PRDM2: variants seen among roughly 807,000 people sequenced by gnomAD.
PRDM2 encodes PR/SET domain 2, also known as PR domain zinc finger protein 2.
Under a neutral mutation model 130.0 loss-of-function variants are expected in PRDM2, and 30 were observed. The observed-to-expected ratio is 0.23, with a 90% CI of 0.17 to 0.31. The LOEUF (loss-of-function observed/expected upper bound fraction) is 0.31. PRDM2 is among the 10% of genes least tolerant of loss of function. The pLI is 1.00. For missense variants in PRDM2, 2,011 were observed against 2,108.4 expected (o/e 0.95, Z 0.90); for synonymous variants, 871 against 782.4 (o/e 1.11, Z -1.89).
chr1:13,707,886 T>G (rs975876872), intron 1 of PRDM2, among the ~76,000 whole-genome samples: 1 of 151,714 alleles, frequency 6.6e-6, no homozygotes, highest in East Asian at 1.9e-4. Flanking sequence ...AGATAATATG[T>G]TTTAATTTCT....
In PRDM2 at chr1:13,749,397, A is replaced by C; in HGVS notation, c.421A>C (p.Asn141His). Reference protein sequence around the residue: ...APGEELLVWYNGEDNPEIAAA... With the variant: ...APGEELLVWYHGEDNPEIAAA... The stretch of plus-strand genomic sequence containing the variant: ...GGGCGAGGAGCTCCTGGTCTGGTAC[A>C]ATGGGGAAGACAACCCTGAGATAGC... Residue 141 changes from asparagine to histidine, a missense_variant, in exon 6 of 10, where the codon AAT (asparagine) becomes CAT (histidine). By Grantham distance (68) the Asn-to-His change is moderately conservative. Around this residue, in one of 5 missense-constraint regions of PRDM2, gnomAD observed 1,288 missense variants for 1,237.7 expected, o/e 1.04. Coordinates refer to ENST00000311066, the MANE Select transcript of PRDM2 (RefSeq NM_001393986.1). 1.3e-6 allele frequency: 2 copies of C among 1,499,392 alleles called. No homozygotes were observed. Among genetic ancestry groups the C allele is most frequent in the Non-Finnish European group, 1.8e-6 (2 of 1,109,964 alleles). 92.9% of individuals were successfully genotyped at this position (1,499,392 alleles called of 1,614,324 possible).
chr1:13,781,283 A>C lies in PRDM2; in HGVS notation c.3488A>C (p.Lys1163Thr). The C allele has an allele frequency of 6.2e-7, 1 of 1,614,234 alleles. No homozygotes were observed. The highest frequency in any genetic ancestry group is 8.5e-7 in the Non-Finnish European group (1 of 1,180,040). The change falls in exon 8 of 10, where the codon AAA becomes ACA. Residue 1163 changes from lysine (K) to threonine (T), a missense_variant. Physicochemically the swap from Lys to Thr is moderately conservative, Grantham distance 78 (BLOSUM62 -1). Transcript: ENST00000311066. This position sits in a 1 kb window ranked among gnomAD's most constrained non-coding sequence, Gnocchi z 6.1. ...ATTCATGCTGAAGAATGGCCCTTCA[A>C]ATGTGAATTTTGTGTGCAGCTTTTT... The part of the protein sequence containing the change: ...LSIHAEEWPF[K>T]CEFCVQLFKD...
rs572248241 is a variant in PRDM2 at position 13,816,561 on chromosome 1, T to A, written c.*14T>A. On this transcript the variant is annotated 3_prime_UTR_variant, in exon 9 of 10. Transcript: ENST00000311066. ...TTCAAAGAGTAGACACTCTGGCTGC[T>A]CCCTGACAGGTACGAGGCAGGATGG... The A allele has an allele frequency of 6.2e-7, 1 of 1,614,040 alleles. No individual in the cohort carries two copies. The highest frequency in any genetic ancestry group is 8.5e-7 in the Non-Finnish European group (1 of 1,179,982).
chr1:13,742,297 C>G (rs41303877), intron 5 of PRDM2, 140 bp downstream of exon 5: 23,380 of 952,768 alleles, frequency 0.025, 636 homozygotes, highest in South Asian at 0.12. Context: ...GCCTCCCCAG[C>G]CTTGGGCGAT....
At chr1:13,719,844 A>C (rs148379614) in intron 2 of PRDM2, among the ~76,000 whole-genome samples, 2 of 152,066 alleles carry the variant, frequency 1.3e-5, no homozygotes, top group African/African-American at 4.8e-5. Context: ...TTGCAAATCT[A>C]TACAAAGATG....
chr1:13,766,150 G>C (rs1244251578), intron 6 of PRDM2, among the ~76,000 whole-genome samples: 1 of 152,308 alleles, frequency 6.6e-6, no homozygotes, highest in African/African-American at 2.4e-5. Context: ...AGCATAGTGA[G>C]TTCAACATCT....
intron 2 of PRDM2, among the ~76,000 whole-genome samples, chr1:13,717,616 A>G (rs1040731386): frequency 1.3e-5 from 2 of 152,148 alleles, no homozygotes; most frequent in African/African-American, 4.8e-5. Flanking sequence ...TTATATTTCC[A>G]TTATATCAAA....
Position 13,778,708 on chromosome 1 carries a change from G to C in PRDM2, c.913G>C (p.Val305Leu). ...AGCCAGCATGCCAAATGAAAATTCT[G>C]TGAAAGAGCCAGAAATACGGTGTGA... ...EEASMPNENS[V>L]KEPEIRCDEK... Residue 305 changes from valine to leucine, a missense_variant, in exon 8 of 10, where the codon GTG becomes CTG. Val to Leu is a conservative substitution (Grantham distance 32). Around this residue, in one of 5 missense-constraint regions of PRDM2, gnomAD observed 1,288 missense variants for 1,237.7 expected, o/e 1.04. Coordinates refer to ENST00000311066, the MANE Select transcript of PRDM2 (RefSeq NM_001393986.1). The C allele has an allele frequency of 6.2e-7, 1 of 1,614,208 alleles. No individual in the cohort carries two copies. The highest frequency in any genetic ancestry group is 8.5e-7 in the Non-Finnish European group (1 of 1,180,050).
In PRDM2 at chr1:13,803,697, G is replaced by C; in HGVS notation, c.5037-12730G>C. ...GCAGCAAAAGAGGCAGCCACAGCCG[G>C]GGGCTTTCCCCGCGGGCAGGTTCTC... On this transcript the variant is annotated intron_variant, in intron 8 of 9. Transcript: ENST00000311066. The surrounding 1 kb of genome is among the most constrained non-coding windows in gnomAD (Gnocchi z 6.2). Among the ~76,000 whole-genome samples the C allele has an allele frequency of 6.6e-6, 1 of 152,138 alleles. No homozygotes were observed. The highest frequency in any genetic ancestry group is 1.9e-4 in the East Asian group (1 of 5,170).
At chr1:13,817,160 T>G (rs562936772) in intron 9 of PRDM2, among the ~76,000 whole-genome samples, 2 of 152,118 alleles carry the variant, frequency 1.3e-5, no homozygotes, top group African/African-American at 2.4e-5. Context: ...GGAAATACAC[T>G]CGAAGGAAAT....
intron 5 of PRDM2, among the ~76,000 whole-genome samples, chr1:13,748,238 A>G (rs1392170856): frequency 6.6e-6 from 1 of 152,050 alleles, no homozygotes; most frequent in African/African-American, 2.4e-5. Flanking sequence ...TTATGGGGAG[A>G]TATTCTGAGG....
At chr1:13,821,912 C>T (rs61775135) in intron 9 of PRDM2, among the ~76,000 whole-genome samples, 1 of 152,104 alleles carries the variant, frequency 6.6e-6, no homozygotes, top group Non-Finnish European at 1.5e-5. Flanking sequence ...TGAGCCTGAC[C>T]TGGGTTCAAG....
chr1:13,720,785 T>A (rs1642701518), intron 2 of PRDM2, among the ~76,000 whole-genome samples: 1 of 152,178 alleles, frequency 6.6e-6, no homozygotes, highest in African/African-American at 2.4e-5. Context: ...GGAAATATTT[T>A]CTTGGTGCAT....
At chr1:13,811,027 T>C (rs1224674477) in intron 8 of PRDM2, among the ~76,000 whole-genome samples, 3 of 151,796 alleles carry the variant, frequency 2.0e-5, no homozygotes, top group Non-Finnish European at 4.4e-5. Flanking sequence ...CTACTAAAAA[T>C]ACAAAAATTA....
intron 6 of PRDM2, among the ~76,000 whole-genome samples, chr1:13,750,123 G>C (rs79812633): frequency 6.6e-6 from 1 of 152,352 alleles, no homozygotes; most frequent in African/African-American, 2.4e-5. Flanking sequence ...AATTCTCATA[G>C]TTTTACGACT....
chr1:13,755,453 T>C (rs1643925571), intron 6 of PRDM2, among the ~76,000 whole-genome samples: 1 of 152,212 alleles, frequency 6.6e-6, no homozygotes, highest in African/African-American at 2.4e-5. Context: ...ACTTGCCTAA[T>C]ACAGAAATAA....
intron 8 of PRDM2, among the ~76,000 whole-genome samples, chr1:13,802,907 G>C (rs1645029623): frequency 6.6e-6 from 1 of 152,246 alleles, no homozygotes. Context: ...CCTAGAACCA[G>C]GTGGCTGCAG....
At chr1:13,757,164 G>C (rs190424756) in intron 6 of PRDM2, among the ~76,000 whole-genome samples, 2 of 152,224 alleles carry the variant, frequency 1.3e-5, no homozygotes, top group African/African-American at 4.8e-5. Flanking sequence ...GACACCTTCA[G>C]CTGTTTTTGC....
At position 13,780,111 on chromosome 1, in the gene PRDM2, A is replaced by G. The variant is rs372732670; in HGVS notation, c.2316A>G (p.Lys772=). Residue 772 remains lysine, a synonymous_variant, in exon 8 of 10, where the codon AAA becomes AAG. Coordinates refer to ENST00000311066, the MANE Select transcript of PRDM2 (RefSeq NM_001393986.1). ...AWTDAGLTSK[K]SKLESHSDSP... ...CCGATGCCGGGCTGACTTCCAAAAA[A>G]TCCAAATTAGAAAGTCACAGCGACT... is the stretch of plus-strand genomic sequence containing the variant. 6.2e-7 allele frequency: 1 copy of G among 1,612,326 alleles called. No homozygotes were observed. The highest frequency in any genetic ancestry group is 1.3e-5 in the African/African-American group (1 of 75,014).
Sources: allele counts gnomAD v4.1 joint callset (sites outside exome capture counted in the v4.1 genomes callset), GRCh38; gene constraint gnomAD v4.1.1; regional missense constraint gnomAD v4.1.1; non-coding constraint Gnocchi (gnomAD v3.1); transcripts MANE v1.5; gene names NCBI Gene and HGNC (gene_info 2026-07-23, HGNC 2026-07-21).